TTC28: variants seen among roughly 807,000 people sequenced by gnomAD.
The protein encoded by TTC28 is tetratricopeptide repeat domain 28, also known as tetratricopeptide repeat protein 28.
TTC28 carries 61 observed loss-of-function variants against 198.0 expected under a neutral mutation model. The ratio of observed to expected loss-of-function variants is 0.31; its 90% confidence interval spans 0.25 to 0.38. The LOEUF (loss-of-function observed/expected upper bound fraction) is 0.38, where lower values mean the gene tolerates loss of function less well. TTC28 is among the 10% of genes least tolerant of loss of function. TTC28 has a pLI of 1.00. For synonymous variants in TTC28, 1,171 were observed against 1,297.8 expected, an observed-to-expected ratio of 0.90 and a Z score of 2.10; for missense variants, 2,678 against 3,164.0, an observed-to-expected ratio of 0.85 and a Z score of 3.69.
At chr22:28,479,750 TCCCCTA>T (rs2048219353) in intron 2 of TTC28, among the ~76,000 whole-genome samples, 1 of 152,102 alleles carries the variant, frequency 6.6e-6, no homozygotes, top group Non-Finnish European at 1.5e-5. Flanking sequence ...CTTCCCATTC[TCCCCTA>T]CCCCTAACTC....
intron 2 of TTC28, among the ~76,000 whole-genome samples, chr22:28,568,023 G>T (rs192296267): frequency 1.3e-5 from 2 of 151,964 alleles, no homozygotes; most frequent in Non-Finnish European, 2.9e-5. Flanking sequence ...AAAAAAGGGG[G>T]AAGAATGATT....
chr22:27,983,768 C>T lies in TTC28; in HGVS notation c.5899G>A (p.Ala1967Thr), dbSNP rs989530215. ...GGTTGCTGGTAACCCAAGGGCAGGG[C>T]GTTGGAAACAGACTGAGCAGAAGCA... is the stretch of plus-strand genomic sequence containing the variant. Reference protein sequence around the residue: ...SLASAQSVSNALPLGYQQPPF... With the variant: ...SLASAQSVSNTLPLGYQQPPF... The change falls in exon 23 of 23, where the codon GCC (alanine) becomes ACC (threonine). Residue 1967 changes from alanine to threonine, a missense_variant. Around this residue, in one of 8 missense-constraint regions of TTC28, gnomAD observed 314 missense variants for 442.7 expected, o/e 0.71. Coordinates refer to ENST00000397906, the MANE Select transcript of TTC28 (RefSeq NM_001145418.2). The T allele has an allele frequency of 2.0e-5, 31 of 1,551,408 alleles. No individual in the cohort carries two copies. The highest frequency in any genetic ancestry group is 9.5e-5 in the South Asian group (8 of 84,048).
intron 2 of TTC28, among the ~76,000 whole-genome samples, chr22:28,470,481 CA>C (rs201539424): frequency 1.3e-5 from 2 of 150,416 alleles, no homozygotes; most frequent in Non-Finnish European, 3.0e-5. Context: ...TCACAGTCTC[CA>C]AAAAAAAATG....
chr22:28,620,909 T>C (rs543716805), intron 2 of TTC28, among the ~76,000 whole-genome samples: 1 of 152,356 alleles, frequency 6.6e-6, no homozygotes, highest in Admixed American at 6.5e-5. Flanking sequence ...AGAGTTTCAG[T>C]TGGAAATTAG....
intron 2 of TTC28, among the ~76,000 whole-genome samples, chr22:28,488,713 G>T (rs1054950460): frequency 1.3e-5 from 2 of 152,086 alleles, no homozygotes; most frequent in Non-Finnish European, 2.9e-5. Context: ...AGCTCTAAGG[G>T]TGTAAAAAAG....
intron 2 of TTC28, among the ~76,000 whole-genome samples, chr22:28,616,861 T>A (rs1039634022): frequency 3.0e-4 from 45 of 148,512 alleles, no homozygotes; most frequent in Admixed American, 6.7e-4. Context: ...AAAAAAAAAA[T>A]TCTGTCATCA....
chr22:28,650,150 A>G (rs1253172563), intron 1 of TTC28, among the ~76,000 whole-genome samples: 1 of 152,156 alleles, frequency 6.6e-6, no homozygotes, highest in Admixed American at 6.5e-5. Context: ...ACTAGTTCAG[A>G]GGAGAATTCC....
intron 3 of TTC28, among the ~76,000 whole-genome samples, chr22:28,305,186 T>A (rs2045116509): frequency 6.6e-6 from 1 of 151,880 alleles, no homozygotes; most frequent in African/African-American, 2.4e-5. Flanking sequence ...AGAGCCAGGG[T>A]TTCACCGTGT....
At chr22:28,653,830 T>C (rs1285164862) in intron 1 of TTC28, among the ~76,000 whole-genome samples, 3 of 152,164 alleles carry the variant, frequency 2.0e-5, no homozygotes, top group Non-Finnish European at 4.4e-5. Flanking sequence ...TCAGTTTAAT[T>C]TGCACGGCCC....
intron 6 of TTC28, among the ~76,000 whole-genome samples, chr22:28,130,621 G>T (rs2146962060): frequency 6.6e-6 from 1 of 152,272 alleles, no homozygotes; most frequent in East Asian, 1.9e-4. Context: ...GAATGCAGAT[G>T]CAGAAAGATA....
intron 2 of TTC28, among the ~76,000 whole-genome samples, chr22:28,509,879 CAG>C (rs1376457545): frequency 6.6e-6 from 1 of 152,124 alleles, no homozygotes; most frequent in Non-Finnish European, 1.5e-5. Flanking sequence ...AAACAACCAT[CAG>C]AGAATGCTAC....
rs542396155 is a variant in TTC28 at position 28,398,992 on chromosome 22, A to G, written c.382-92349T>C. On this transcript the variant is annotated intron_variant, in intron 2 of 22. Transcript: ENST00000397906. Reference sequence around the variant, plus strand: ...AAACATGGACTACAGAAATCAAAACAGTTGTTTGGGGAGTTATTTTGCCTT... The same window carrying G: ...AAACATGGACTACAGAAATCAAAACGGTTGTTTGGGGAGTTATTTTGCCTT... Among the ~76,000 whole-genome samples, 91 of 150,270 alleles carry G rather than the reference A, an allele frequency of 6.1e-4. No individual in the cohort carries two copies. The Middle Eastern group carries it at 0.014, about 23-fold the overall frequency.
At chr22:28,446,532 A>G (rs577030156) in intron 2 of TTC28, among the ~76,000 whole-genome samples, 1 of 152,206 alleles carries the variant, frequency 6.6e-6, no homozygotes, top group African/African-American at 2.4e-5. Flanking sequence ...TTCACTTGAG[A>G]GCTGGTTGTT....
At chr22:28,227,809 A>C (rs1928469769) in intron 5 of TTC28, among the ~76,000 whole-genome samples, 1 of 152,166 alleles carries the variant, frequency 6.6e-6, no homozygotes, top group Non-Finnish European at 1.5e-5. Context: ...ACAGTACGGC[A>C]GTTCCTCAAA....
At chr22:28,484,866 ATCTG>A (rs1391344147) in intron 2 of TTC28, among the ~76,000 whole-genome samples, 2 of 152,224 alleles carry the variant, frequency 1.3e-5, no homozygotes, top group Non-Finnish European at 2.9e-5. Context: ...GATATGCCTC[ATCTG>A]TCTCCTCAGC....
intron 2 of TTC28, among the ~76,000 whole-genome samples, chr22:28,592,283 T>G (rs975694351): frequency 1.8e-4 from 28 of 151,946 alleles, no homozygotes; most frequent in Non-Finnish European, 3.5e-4. Flanking sequence ...CCCAAAAGTG[T>G]GAGGCTACAG....
intron 14 of TTC28, among the ~76,000 whole-genome samples, chr22:28,003,235 G>A (rs1196496104): frequency 4.6e-5 from 7 of 152,120 alleles, no homozygotes; most frequent in Admixed American, 1.3e-4. Flanking sequence ...GGGCTGCTCT[G>A]GAGGGCAGTG....
At chr22:28,257,577 A>C (rs1327307992) in intron 5 of TTC28, among the ~76,000 whole-genome samples, 1 of 151,646 alleles carries the variant, frequency 6.6e-6, no homozygotes, top group Non-Finnish European at 1.5e-5. Context: ...AATAGAGAGT[A>C]GGTTGGTGGT....
At chr22:28,268,811 T>A (rs1698676762) in intron 5 of TTC28, among the ~76,000 whole-genome samples, 1 of 152,286 alleles carries the variant, frequency 6.6e-6, no homozygotes, top group African/African-American at 2.4e-5. Flanking sequence ...CACTTCATCA[T>A]GGTCTTTTTG....
Sources: gnomAD v4.1 joint callset for allele counts (sites outside exome capture counted in the v4.1 genomes callset) on GRCh38, gnomAD v4.1.1 for gene constraint, gnomAD v4.1.1 regional missense constraint, MANE v1.5 for transcripts, NCBI Gene and HGNC (gene_info 2026-07-23, HGNC 2026-07-21) for gene names.